The following BICD1 variants were observed in gnomAD, a reference collection of about 807,000 sequenced individuals.
BICD1 encodes protein bicaudal D homolog 1.
Under a neutral mutation model 92.5 loss-of-function variants are expected in BICD1, and 35 were observed. The ratio of observed to expected loss-of-function variants is 0.38; its 90% confidence interval spans 0.29 to 0.50. The LOEUF is 0.50. Ranked by LOEUF, BICD1 falls within the 20% of genes least tolerant of loss-of-function variation. BICD1 has a pLI of 0.93. For missense variants in BICD1, 950 were observed against 1,189.8 expected (o/e 0.80, Z 2.97); for synonymous variants, 429 against 465.1 (o/e 0.92, Z 1.00).
intron 1 of BICD1, among the ~76,000 whole-genome samples, chr12:32,155,209 T>C (rs1195760935): frequency 1.3e-5 from 2 of 152,228 alleles, no homozygotes; most frequent in African/African-American, 2.4e-5. Flanking sequence ...GACAGTCTTA[T>C]TGCATTATTT....
intron 1 of BICD1, among the ~76,000 whole-genome samples, chr12:32,210,035 C>A (rs1329822355): frequency 6.6e-6 from 1 of 152,108 alleles, no homozygotes; most frequent in Admixed American, 6.6e-5. Flanking sequence ...AGCCTATGCT[C>A]TTGCCTTAAC....
chr12:32,201,519 A>G (rs1322725376), intron 1 of BICD1, among the ~76,000 whole-genome samples: 1 of 151,868 alleles, frequency 6.6e-6, no homozygotes, highest in African/African-American at 2.4e-5. Context: ...ATTAGGGGGG[A>G]AATTATTTTT....
At chr12:32,293,457 A>G (rs541950166) in intron 2 of BICD1, among the ~76,000 whole-genome samples, 178 of 148,930 alleles carry the variant, frequency 1.2e-3, no homozygotes, top group African/African-American at 4.1e-3. Flanking sequence ...AGCTAGGATT[A>G]CAGGCGCCCA....
At chr12:32,311,940 G>A (rs142912413) in intron 4 of BICD1, among the ~76,000 whole-genome samples, 35 of 152,274 alleles carry the variant, frequency 2.3e-4, no homozygotes, top group African/African-American at 7.2e-4. Context: ...GTATCAGATT[G>A]GAAAGTAACT....
At chr12:32,131,790 G>T (rs985822650) in intron 1 of BICD1, among the ~76,000 whole-genome samples, 1 of 152,220 alleles carries the variant, frequency 6.6e-6, no homozygotes, top group Non-Finnish European at 1.5e-5. Flanking sequence ...GTATACCCCA[G>T]CCATTGTTAG....
rs60536204 is a variant in BICD1 at position 32,223,516 on chromosome 12, CA to C, written c.426+7077del. Among the ~76,000 whole-genome samples, 515 of 103,366 alleles carry C rather than the reference CA, an allele frequency of 5.0e-3. 3 individuals carry two copies. Among genetic ancestry groups the C allele is most frequent in the Middle Eastern group, 0.011 (2 of 184 alleles). The allele number at this position is 103,366 out of a possible 152,430, so 67.8% of individuals were successfully genotyped here. A position where few individuals can be genotyped will look rare whatever the true frequency, so the allele number is the denominator to read the frequency against. On this transcript the variant is annotated intron_variant, in intron 2 of 9. Coordinates refer to ENST00000652176, the MANE Select transcript of BICD1 (RefSeq NM_001714.4). ...TGAGTAACAGAAAGAGACTTTGTCT[CA>C]AAAAAAAAAAAAAAAAAAAGAATCA... is the stretch of plus-strand genomic sequence containing the variant.
chr12:32,196,013 A>G (rs1161688944), intron 1 of BICD1, among the ~76,000 whole-genome samples: 1 of 152,232 alleles, frequency 6.6e-6, no homozygotes, highest in East Asian at 1.9e-4. Context: ...CAAAGAAGAC[A>G]TACAAATGGC....
At chr12:32,292,597 A>C (rs1157373008) in intron 2 of BICD1, among the ~76,000 whole-genome samples, 1 of 152,214 alleles carries the variant, frequency 6.6e-6, no homozygotes, top group Admixed American at 6.5e-5. Flanking sequence ...TCTGTGTTGC[A>C]ATAGCAGTTT....
At chr12:32,238,807 A>T (rs7137148) in intron 2 of BICD1, among the ~76,000 whole-genome samples, 18,996 of 151,210 alleles carry the variant, frequency 0.13, 1,956 homozygotes, top group African/African-American at 0.28. Flanking sequence ...TTAGCCGGGC[A>T]TGGTGGCACG....
intron 8 of BICD1, among the ~76,000 whole-genome samples, chr12:32,355,167 C>T (rs16919792): frequency 0.027 from 4,186 of 152,256 alleles, 207 homozygotes; most frequent in African/African-American, 0.096. Context: ...AATAATTGAT[C>T]ATCTGATAAC....
At chr12:32,321,663 C>T (rs1038885589) in intron 4 of BICD1, among the ~76,000 whole-genome samples, 5 of 152,118 alleles carry the variant, frequency 3.3e-5, no homozygotes, top group African/African-American at 1.2e-4. Context: ...TAATTTTAAG[C>T]TTTAAAGTGC....
intron 1 of BICD1, among the ~76,000 whole-genome samples, chr12:32,177,379 T>C (rs1021390594): frequency 6.6e-6 from 1 of 151,184 alleles, no homozygotes; most frequent in African/African-American, 2.4e-5. Flanking sequence ...TATTATACAA[T>C]TTGCTGATAG....
chr12:32,358,580 T>C (rs1040455092), intron 8 of BICD1, among the ~76,000 whole-genome samples: 1 of 151,864 alleles, frequency 6.6e-6, no homozygotes, highest in Non-Finnish European at 1.5e-5. Context: ...CTACTAAAAA[T>C]ACAAAAGTTA....
At chr12:32,334,152 T>C (rs1324685443) in intron 5 of BICD1, among the ~76,000 whole-genome samples, 1 of 152,188 alleles carries the variant, frequency 6.6e-6, no homozygotes, top group Non-Finnish European at 1.5e-5. Flanking sequence ...TACTAAATAA[T>C]TGGTAAAAAA....
chr12:32,133,689 AT>A (rs1306461054), intron 1 of BICD1, among the ~76,000 whole-genome samples: 2 of 151,874 alleles, frequency 1.3e-5, no homozygotes, highest in African/African-American at 4.8e-5. Flanking sequence ...CTGTTAAGTC[AT>A]TTTTATTCCT....
chr12:32,321,649 A>G (rs1221492205), intron 4 of BICD1, among the ~76,000 whole-genome samples: 1 of 152,212 alleles, frequency 6.6e-6, no homozygotes, highest in African/African-American at 2.4e-5. Flanking sequence ...CTTCAAATGT[A>G]TAGTAATTTT....
chr12:32,243,355 C>T (rs939370043), intron 2 of BICD1, among the ~76,000 whole-genome samples: 1 of 146,190 alleles, frequency 6.8e-6, no homozygotes, highest in Non-Finnish European at 1.5e-5. Context: ...CTCAAGCGGT[C>T]TGCCTGCTTT....
intron 2 of BICD1, among the ~76,000 whole-genome samples, chr12:32,233,832 TC>T (rs1168314498): frequency 6.6e-6 from 1 of 152,162 alleles, no homozygotes; most frequent in African/African-American, 2.4e-5. Flanking sequence ...GACCTCTATT[TC>T]CAAAGAGCAT....
chr12:32,346,655 TATACACACAC>T (rs1938640424), intron 8 of BICD1, among the ~76,000 whole-genome samples: 1 of 26,256 alleles, frequency 3.8e-5, no homozygotes, highest in African/African-American at 1.6e-4. Context: ...TATATATATA[TATACACACAC>T]ACACGCACAC....
Sources: gnomAD v4.1 joint callset for allele counts (sites outside exome capture counted in the v4.1 genomes callset) on GRCh38, gnomAD v4.1.1 for gene constraint, MANE v1.5 for transcripts, NCBI Gene and HGNC (gene_info 2026-07-23, HGNC 2026-07-21) for gene names.